GSKIP: variants seen among roughly 807,000 people sequenced by gnomAD.
The protein encoded by GSKIP is GSK3B interacting protein, also known as GSK3B-interacting protein.
A neutral mutation model predicts 11.9 loss-of-function variants in GSKIP; 5 were observed. That is an observed-to-expected ratio of 0.42 (90% CI 0.22 to 0.89). The LOEUF (loss-of-function observed/expected upper bound fraction) is 0.89, where lower values mean the gene tolerates loss of function less well. Among genes scored for constraint, GSKIP ranks in the 40% least tolerant of loss-of-function variants. GSKIP has a pLI of 0.29. For missense variants in GSKIP, 150 were observed against 166.6 expected (o/e 0.90, Z 0.55); for synonymous variants, 70 against 62.9 (o/e 1.11, Z -0.54).
intron 1 of GSKIP, among the ~76,000 whole-genome samples, chr14:96,375,403 T>C (rs1889169261): frequency 6.6e-6 from 1 of 151,490 alleles, no homozygotes; most frequent in South Asian, 2.1e-4. Flanking sequence ...ACTCGAAAAT[T>C]TATAAAGAAA....
intron 2 of GSKIP, among the ~76,000 whole-genome samples, chr14:96,380,914 G>C (rs189813182): frequency 2.0e-5 from 3 of 152,194 alleles, no homozygotes; most frequent in African/African-American, 7.2e-5. Flanking sequence ...TCTAACTCCA[G>C]TGTGGTGAGG....
At chr14:96,367,829 G>C (rs1357267892) in intron 1 of GSKIP, among the ~76,000 whole-genome samples, 1 of 152,130 alleles carries the variant, frequency 6.6e-6, no homozygotes, top group Admixed American at 6.5e-5. Flanking sequence ...CTTTACATCA[G>C]GTGATACAAC....
At chr14:96,366,858 A>G (rs1888899618) in intron 1 of GSKIP, among the ~76,000 whole-genome samples, 3 of 152,272 alleles carry the variant, frequency 2.0e-5, no homozygotes, top group Admixed American at 2.0e-4. Context: ...GGTCATGTCA[A>G]AATAATCCTC....
rs144786722 is a variant in GSKIP, at chr14:96,383,629, T to C, written c.258+1124T>C. ...ACATGATATCAAGTACATAAACATC[T>C]CTTTAATTCGCTGGATTCACTTTGC... On this transcript the variant is annotated intron_variant, in intron 3 of 3. Coordinates refer to ENST00000555181, the MANE Select transcript of GSKIP (RefSeq NM_016472.5). Among the ~76,000 whole-genome samples, 146 of 152,334 alleles carry C rather than the reference T, an allele frequency of 9.6e-4. 1 individual carries two copies. The highest frequency in any genetic ancestry group is 3.3e-3 in the African/African-American group (137 of 41,574).
chr14:96,370,607 G>C (rs867989289), intron 1 of GSKIP, among the ~76,000 whole-genome samples: 2 of 152,196 alleles, frequency 1.3e-5, no homozygotes, highest in Middle Eastern at 3.4e-3. Flanking sequence ...GACAGAACTG[G>C]TTGTTGAAAA....
At chr14:96,378,552 A>AT (rs1436016689) in intron 1 of GSKIP, among the ~76,000 whole-genome samples, 1 of 152,228 alleles carries the variant, frequency 6.6e-6, no homozygotes, top group Non-Finnish European at 1.5e-5. Flanking sequence ...CTGTAAGAGA[A>AT]TAAGTGTGTG....
At chr14:96,374,262 AC>A (rs1595348105) in intron 1 of GSKIP, among the ~76,000 whole-genome samples, 1 of 152,214 alleles carries the variant, frequency 6.6e-6, no homozygotes, top group African/African-American at 2.4e-5. Flanking sequence ...AAAAATAAAT[AC>A]AGCAATGAGG....
intron 1 of GSKIP, among the ~76,000 whole-genome samples, chr14:96,374,933 G>T (rs894792920): frequency 6.6e-6 from 1 of 151,664 alleles, no homozygotes; most frequent in Non-Finnish European, 1.5e-5. Flanking sequence ...CATATAAAAA[G>T]ACTTATCTAA....
chr14:96,386,575 C>T lies in GSKIP; in HGVS notation c.*891C>T, dbSNP rs1011172668. On this transcript the variant is annotated 3_prime_UTR_variant, in exon 4 of 4. Coordinates refer to ENST00000555181, the MANE Select transcript of GSKIP (RefSeq NM_016472.5). ...GAAAGTATTTTTGCTTCAACGTTTA[C>T]TTTCTATGATGTAGTGCTTTGGTAT... The T allele has an allele frequency of 2.0e-5, 3 of 152,604 alleles. No homozygotes were observed. Among genetic ancestry groups the T allele is most frequent in the Non-Finnish European group, 4.4e-5 (3 of 68,030 alleles). The allele number at this position is 152,604 out of a possible 1,614,324, so 9.5% of individuals were successfully genotyped here.
At chr14:96,381,425 G>A (rs894819741) in intron 2 of GSKIP, among the ~76,000 whole-genome samples, 1 of 152,174 alleles carries the variant, frequency 6.6e-6, no homozygotes, top group African/African-American at 2.4e-5. Flanking sequence ...ATTCCAGATG[G>A]ATGAGTTAAA....
At chr14:96,365,500 A>C (rs1386564548) in intron 1 of GSKIP, among the ~76,000 whole-genome samples, 1 of 151,582 alleles carries the variant, frequency 6.6e-6, no homozygotes, top group East Asian at 1.9e-4. Context: ...CGGGGCGCAG[A>C]GGAAGCACAT....
chr14:96,370,025 T>C (rs1889001217), intron 1 of GSKIP, among the ~76,000 whole-genome samples: 1 of 152,210 alleles, frequency 6.6e-6, no homozygotes, highest in Non-Finnish European at 1.5e-5. Flanking sequence ...CCCCTCATAC[T>C]GCTGTGCCAG....
At chr14:96,370,968 T>A (rs898568666) in intron 1 of GSKIP, among the ~76,000 whole-genome samples, 1 of 152,164 alleles carries the variant, frequency 6.6e-6, no homozygotes, top group Non-Finnish European at 1.5e-5. Flanking sequence ...TAAACCAGAG[T>A]ATAAATGGGA....
intron 1 of GSKIP, among the ~76,000 whole-genome samples, chr14:96,374,853 G>T (rs1224369127): frequency 3.3e-5 from 5 of 152,144 alleles, no homozygotes; most frequent in African/African-American, 7.2e-5. Context: ...GAAGGAAAAT[G>T]ATACAGATAA....
intron 1 of GSKIP, among the ~76,000 whole-genome samples, chr14:96,367,873 T>A (rs1595344830): frequency 6.6e-6 from 1 of 152,226 alleles, no homozygotes; most frequent in African/African-American, 2.4e-5. Context: ...TGTCAAGTAT[T>A]CCAATTTTTG....
At chr14:96,369,058 TGAG>T (rs1414585159) in intron 1 of GSKIP, among the ~76,000 whole-genome samples, 3 of 152,152 alleles carry the variant, frequency 2.0e-5, no homozygotes, top group Non-Finnish European at 4.4e-5. Flanking sequence ...CAGATGGAAA[TGAG>T]GATCTTATTG....
intron 1 of GSKIP, among the ~76,000 whole-genome samples, chr14:96,365,532 T>C (rs535071068): frequency 6.6e-6 from 1 of 151,652 alleles, no homozygotes; most frequent in African/African-American, 2.4e-5. Flanking sequence ...TCGTAGGCCA[T>C]TGATAAGAAC....
chr14:96,370,857 A>G (rs1384371154), intron 1 of GSKIP, among the ~76,000 whole-genome samples: 1 of 152,206 alleles, frequency 6.6e-6, no homozygotes, highest in African/African-American at 2.4e-5. Flanking sequence ...ACAGCAATAC[A>G]TAGAGACTAA....
At chr14:96,368,036 T>TAA (rs1888941082) in intron 1 of GSKIP, among the ~76,000 whole-genome samples, 2 of 152,194 alleles carry the variant, frequency 1.3e-5, no homozygotes, top group African/African-American at 2.4e-5. Context: ...AAGTAATACT[T>TAA]ATTTCCTAGA....
Sources: allele counts gnomAD v4.1 joint callset (sites outside exome capture counted in the v4.1 genomes callset), GRCh38; gene constraint gnomAD v4.1.1; transcripts MANE v1.5; gene names NCBI Gene and HGNC (gene_info 2026-07-23, HGNC 2026-07-21).